Variants in ADAM2 observed in about 807,000 individuals in gnomAD.
ADAM2 encodes the protein disintegrin and metalloproteinase domain-containing protein 2.
ADAM2 carries 101 observed loss-of-function variants against 99.3 expected under a neutral mutation model. That is an observed-to-expected ratio of 1.02 (90% CI 0.87 to 1.20). The LOEUF is 1.20. Among genes scored for constraint, ADAM2 ranks in the 50% most tolerant of loss-of-function variants. ADAM2 has a pLI of 0.00. For synonymous variants in ADAM2, 323 were observed against 287.6 expected, an observed-to-expected ratio of 1.12 and a Z score of -1.25; for missense variants, 948 against 878.7, an observed-to-expected ratio of 1.08 and a Z score of -1.00.
intron 9 of ADAM2, among the ~76,000 whole-genome samples, chr8:39,787,733 C>T (rs1286400264): frequency 1.3e-5 from 2 of 151,484 alleles, no homozygotes; most frequent in African/African-American, 4.8e-5. Flanking sequence ...TAATTTACAA[C>T]AACAAATCAT....
rs546500497 is a variant in ADAM2 at position 39,808,700 on chromosome 8, G to A, written c.570+710C>T. On this transcript the variant is annotated intron_variant, in intron 7 of 20. Coordinates refer to ENST00000265708, the MANE Select transcript of ADAM2 (RefSeq NM_001464.5). ...TGGGAGGCCGAGGCAGGTGGATCAC[G>A]AGGTAAAGAGATCGAGACCATCCTG... Among the ~76,000 whole-genome samples, 22 of 152,226 alleles carry A rather than the reference G, an allele frequency of 1.4e-4. 1 individual carries two copies. Among genetic ancestry groups the A allele is most frequent in the African/African-American group, 5.3e-4 (22 of 41,538 alleles).
intron 7 of ADAM2, among the ~76,000 whole-genome samples, chr8:39,796,671 G>A (rs993339302): frequency 3.3e-5 from 5 of 152,260 alleles, no homozygotes; most frequent in Admixed American, 6.5e-5. Flanking sequence ...GTGTAAAAGT[G>A]TTCCTATCTC....
At chr8:39,785,566 C>G (rs1037168228) in intron 10 of ADAM2, among the ~76,000 whole-genome samples, 3 of 152,058 alleles carry the variant, frequency 2.0e-5, no homozygotes, top group East Asian at 3.9e-4. Context: ...GAGACCAAGG[C>G]GGGGGGATCA....
intron 7 of ADAM2, among the ~76,000 whole-genome samples, chr8:39,799,168 G>C (rs1039150964): frequency 2.6e-5 from 4 of 152,032 alleles, no homozygotes; most frequent in Non-Finnish European, 5.9e-5. Context: ...TTCCAACATG[G>C]GCATTTCGTG....
chr8:39,799,878 T>G (rs149252674), intron 7 of ADAM2, among the ~76,000 whole-genome samples: 2 of 152,348 alleles, frequency 1.3e-5, no homozygotes, highest in African/African-American at 4.8e-5. Context: ...TTCCATTTAC[T>G]TGGTAAATAT....
At chr8:39,773,374 A>G (rs1359296334) in intron 11 of ADAM2, among the ~76,000 whole-genome samples, 1 of 151,786 alleles carries the variant, frequency 6.6e-6, no homozygotes, top group Non-Finnish European at 1.5e-5. Context: ...TTTTACATTA[A>G]AAATCTAGAA....
chr8:39,821,172 T>C lies in ADAM2; in HGVS notation c.345-2A>G. The stretch of plus-strand genomic sequence containing the variant: ...ACATTTTCAAACTGTAGTACGCCCC[T>C]AAAAATTTCAAAAAAAAATTAATAA... On this transcript the variant is annotated splice_acceptor_variant, in intron 5 of 20. Transcript: ENST00000265708. LOFTEE classifies it high-confidence loss of function. 1 of 1,551,908 alleles carries C rather than the reference T, an allele frequency of 6.4e-7. No homozygotes were observed.
Position 39,833,975 on chromosome 8 carries a change from CT to C in ADAM2, c.156del (p.Lys54AsnfsTer5). ...ATTAAATTCACAGTATATGGTTTCC[CT>C]TCAATTACAATTTTGTAGGATGCCT... ...ESQASYKIVI[E>X]GKPYTVNLMQ... On this transcript the variant is annotated frameshift_variant, in exon 3 of 21. Coordinates refer to ENST00000265708, the MANE Select transcript of ADAM2 (RefSeq NM_001464.5). LOFTEE classifies it high-confidence loss of function. 6.4e-7 allele frequency: 1 copy of C among 1,572,840 alleles called. No homozygotes were observed.
chr8:39,834,316 T>C (rs1381031145), intron 2 of ADAM2, among the ~76,000 whole-genome samples: 1 of 152,184 alleles, frequency 6.6e-6, no homozygotes, highest in Non-Finnish European at 1.5e-5. Flanking sequence ...GTTTTCTATA[T>C]ATGGGATCAT....
At chr8:39,767,109 A>G in intron 13 of ADAM2, 44 bp downstream of exon 13, 1 of 1,596,452 alleles carries the variant, frequency 6.3e-7, no homozygotes, top group Non-Finnish European at 8.6e-7. Flanking sequence ...AATAATGATA[A>G]CTACTTATGT....
chr8:39,751,620 T>G (rs28374483), intron 16 of ADAM2, among the ~76,000 whole-genome samples: 88,472 of 151,984 alleles, frequency 0.58, 25,960 homozygotes, highest in East Asian at 0.86. Context: ...GCTAAAAAAA[T>G]TAAAAATTAT....
intron 10 of ADAM2, among the ~76,000 whole-genome samples, chr8:39,779,447 G>A (rs1322597649): frequency 6.6e-6 from 1 of 152,038 alleles, no homozygotes; most frequent in Non-Finnish European, 1.5e-5. Context: ...GGAGGTTAAG[G>A]CTTCAACATA....
intron 7 of ADAM2, among the ~76,000 whole-genome samples, chr8:39,796,851 A>G (rs1359676747): frequency 6.6e-6 from 1 of 152,122 alleles, no homozygotes; most frequent in Non-Finnish European, 1.5e-5. Context: ...TCTTTTGAGA[A>G]GTGTCTGTTC....
Position 39,749,332 on chromosome 8 carries a change from G to C in ADAM2, c.1994C>G (p.Ala665Gly), listed in dbSNP as rs1468716113. The C allele has an allele frequency of 6.2e-7, 1 of 1,612,592 alleles. No homozygotes were observed. Among genetic ancestry groups the C allele is most frequent in the African/African-American group, 1.3e-5 (1 of 74,906 alleles). The stretch of plus-strand genomic sequence containing the variant: ...CTTACCAGGGAGTCTGGCTGGTATA[G>C]CTACAGGTGGAAAATTGCCACTGTC... The part of the protein sequence containing the change: ...SIDSGNFPPV[A>G]IPARLPERRY... Residue 665 changes from alanine to glycine, a missense_variant, in exon 18 of 21, where the codon GCT (alanine) becomes GGT (glycine). Ala to Gly is a moderately conservative substitution (Grantham distance 60, BLOSUM62 0). Coordinates refer to ENST00000265708, the MANE Select transcript of ADAM2 (RefSeq NM_001464.5).
intron 11 of ADAM2, among the ~76,000 whole-genome samples, chr8:39,772,648 C>T (rs1373434842): frequency 6.6e-6 from 1 of 151,950 alleles, no homozygotes; most frequent in Non-Finnish European, 1.5e-5. Flanking sequence ...CAGACTTAAT[C>T]CCAATATAGA....
intron 12 of ADAM2, among the ~76,000 whole-genome samples, chr8:39,767,896 T>TCACACACA (rs57655234): frequency 0.031 from 4,523 of 147,844 alleles, 88 homozygotes; most frequent in African/African-American, 0.049. Context: ...GACAATGCAT[T>TCACACACA]CACACACACA....
chr8:39,759,929 C>T (rs1184099145), intron 15 of ADAM2, among the ~76,000 whole-genome samples: 2 of 152,094 alleles, frequency 1.3e-5, no homozygotes, highest in African/African-American at 2.4e-5. Flanking sequence ...TGCAGTGGCG[C>T]GATCTCGGCT....
Position 39,793,296 on chromosome 8 carries a change from G to A in ADAM2, c.571-4556C>T, listed in dbSNP as rs530864056. Among the ~76,000 whole-genome samples the A allele has an allele frequency of 3.9e-5, 6 of 152,192 alleles. No homozygotes were observed. In the South Asian group the frequency reaches 1.2e-3, roughly 32 times the overall value. Reference sequence around the variant, plus strand: ...TGCCATCCCTTTAGAAATGCAAAATGAGAGCAGCCATCTGTAGATTGTTAT... The same window carrying A: ...TGCCATCCCTTTAGAAATGCAAAATAAGAGCAGCCATCTGTAGATTGTTAT... On this transcript the variant is annotated intron_variant, in intron 7 of 20. Transcript: ENST00000265708.
chr8:39,806,166 G>A (rs534864728), intron 7 of ADAM2, among the ~76,000 whole-genome samples: 7 of 152,052 alleles, frequency 4.6e-5, no homozygotes, highest in South Asian at 2.1e-4. Context: ...CCTTATTTTC[G>A]CAAGTTGTTG....
Sources: allele counts gnomAD v4.1 joint callset (sites outside exome capture counted in the v4.1 genomes callset), GRCh38; gene constraint gnomAD v4.1.1; transcripts MANE v1.5; gene names NCBI Gene and HGNC (gene_info 2026-07-23, HGNC 2026-07-21).